Variants in ESRRG observed in about 807,000 individuals in gnomAD.
The protein encoded by ESRRG is estrogen-related receptor gamma.
In ESRRG, 13 loss-of-function variants were observed where a neutral mutation model predicts 44.0. The ratio of observed to expected loss-of-function variants is 0.30; its 90% CI spans 0.19 to 0.47. ESRRG has a LOEUF of 0.47. Among genes scored for constraint, ESRRG ranks in the 20% least tolerant of loss-of-function variants. The pLI, the probability that ESRRG is intolerant of heterozygous loss-of-function variation, is 1.00. For missense variants in ESRRG, 395 were observed against 580.6 expected, an observed-to-expected ratio of 0.68 and a Z score of 3.29; for synonymous variants, 215 against 214.6, an observed-to-expected ratio of 1.00 and a Z score of -0.02.
chr1:216,884,554 G>A (rs2096491186), intron 2 of ESRRG, among the ~76,000 whole-genome samples: 1 of 152,204 alleles, frequency 6.6e-6, no homozygotes. Context: ...AGGCTTGTCA[G>A]AGGCCTTCAA....
chr1:216,514,909 CTAATT>C (rs964466312), intron 6 of ESRRG, among the ~76,000 whole-genome samples: 3 of 151,778 alleles, frequency 2.0e-5, no homozygotes, highest in African/African-American at 7.3e-5. Context: ...ATCAAATCAA[CTAATT>C]TAGTCAAAAT....
rs895011055 is a variant in ESRRG, at chr1:217,001,216, T to C, written c.-105-61543A>G. Among the ~76,000 whole-genome samples the C allele has an allele frequency of 3.9e-5, 6 of 152,220 alleles. No homozygotes were observed. In the East Asian group the frequency reaches 9.6e-4, roughly 24 times the overall value. On this transcript the variant is annotated intron_variant, in intron 1 of 7. Coordinates refer to the ESRRG transcript ENST00000359162. ...GCTGCCTTCTTTTCTTCGGTTCTTT[T>C]TTTTATGCTGGAACTCTGTAAAGAT...
chr1:217,050,677 G>A (rs547352530), intron 1 of ESRRG, among the ~76,000 whole-genome samples: 22 of 152,208 alleles, frequency 1.4e-4, no homozygotes, highest in African/African-American at 3.1e-4. Flanking sequence ...TACCCAAACC[G>A]AGATGTGGAC....
intron 1 of ESRRG, among the ~76,000 whole-genome samples, chr1:217,063,560 G>T (rs1333827262): frequency 6.6e-6 from 1 of 152,090 alleles, no homozygotes; most frequent in Non-Finnish European, 1.5e-5. Context: ...TTATAAACTG[G>T]GATAGTGAGT....
chr1:217,106,746 A>G (rs2092601784), intron 1 of ESRRG, among the ~76,000 whole-genome samples: 1 of 152,066 alleles, frequency 6.6e-6, no homozygotes, highest in African/African-American at 2.4e-5. Flanking sequence ...CCTCAACCCT[A>G]TCTCCAGCCT....
At chr1:217,117,440 C>T (rs147101497) in intron 1 of ESRRG, among the ~76,000 whole-genome samples, 9 of 152,058 alleles carry the variant, frequency 5.9e-5, no homozygotes, top group Non-Finnish European at 1.2e-4. Flanking sequence ...AAAAACCTAG[C>T]TAAGGGTAGT....
chr1:216,636,057 G>GTTT (rs2065233308), intron 3 of ESRRG, among the ~76,000 whole-genome samples: 1 of 152,152 alleles, frequency 6.6e-6, no homozygotes, highest in Non-Finnish European at 1.5e-5. Context: ...CTGTAGGATA[G>GTTT]GCCATTACTA....
At chr1:216,940,999 T>C (rs1234942398) in intron 1 of ESRRG, among the ~76,000 whole-genome samples, 2 of 152,174 alleles carry the variant, frequency 1.3e-5, no homozygotes, top group Non-Finnish European at 2.9e-5. Flanking sequence ...TAGTGTAGGC[T>C]GGAATTTGAC....
In ESRRG at chr1:216,815,562, G is replaced by T. The variant is rs367547404; in HGVS notation, c.-14+124020C>A. Among the ~76,000 whole-genome samples, 33 of 152,300 alleles carry T rather than the reference G, an allele frequency of 2.2e-4. 1 individual carries two copies. In the East Asian group the frequency reaches 5.8e-3, roughly 27 times the overall value. ...TTTGGGGCTCTGTGCCACCTGCCCT[G>T]GGAAAAAGACCACCCGGGCTCAGGC... On this transcript the variant is annotated intron_variant, in intron 2 of 7. Transcript: ENST00000359162.
intron 1 of ESRRG, among the ~76,000 whole-genome samples, chr1:216,952,099 T>G (rs184527046): frequency 2.6e-5 from 4 of 152,194 alleles, no homozygotes; most frequent in Admixed American, 2.6e-4. Context: ...GTGTAAACGA[T>G]CTCTGCCCCA....
intron 1 of ESRRG, among the ~76,000 whole-genome samples, chr1:217,031,522 G>A (rs551938197): frequency 1.3e-5 from 2 of 152,346 alleles, no homozygotes; most frequent in East Asian, 3.9e-4. Flanking sequence ...AAATGGTTTA[G>A]CATGAAGAAA....
At chr1:217,110,354 C>T (rs1419445304) in intron 1 of ESRRG, among the ~76,000 whole-genome samples, 1 of 152,222 alleles carries the variant, frequency 6.6e-6, no homozygotes, top group Non-Finnish European at 1.5e-5. Flanking sequence ...ATCACTTTAT[C>T]TTCCTGAAAC....
At chr1:216,873,258 C>G (rs2096285354) in intron 2 of ESRRG, among the ~76,000 whole-genome samples, 1 of 129,964 alleles carries the variant, frequency 7.7e-6, no homozygotes, top group African/African-American at 3.1e-5. Context: ...GTCGCTCAGG[C>G]TGAAATGCAA....
chr1:216,904,564 T>C (rs1467453352), intron 2 of ESRRG, among the ~76,000 whole-genome samples: 1 of 152,148 alleles, frequency 6.6e-6, no homozygotes, highest in East Asian at 1.9e-4. Context: ...CTGCTGAGCT[T>C]AACAAAGTAA....
chr1:216,983,201 T>C (rs1205813493), intron 1 of ESRRG, among the ~76,000 whole-genome samples: 1 of 152,022 alleles, frequency 6.6e-6, no homozygotes, highest in Non-Finnish European at 1.5e-5. Context: ...TTAGAATTAT[T>C]AGAATTAGTA....
intron 2 of ESRRG, among the ~76,000 whole-genome samples, chr1:216,655,284 G>C (rs2070177624): frequency 6.6e-6 from 1 of 152,114 alleles, no homozygotes; most frequent in South Asian, 2.1e-4. Context: ...ATATTAAAGA[G>C]TCCACTGAGA....
intron 2 of ESRRG, among the ~76,000 whole-genome samples, chr1:216,779,196 T>C (rs1236448787): frequency 2.7e-5 from 2 of 73,570 alleles, no homozygotes; most frequent in African/African-American, 1.1e-4. Context: ...TATATATTTA[T>C]ATTTATAAAT....
At chr1:216,896,793 C>T (rs1179102564) in intron 2 of ESRRG, among the ~76,000 whole-genome samples, 2 of 152,128 alleles carry the variant, frequency 1.3e-5, no homozygotes, top group Non-Finnish European at 2.9e-5. Flanking sequence ...AGGTAAATAA[C>T]TATAATCAGC....
At chr1:216,701,129 G>C (rs567401517) in intron 1 of ESRRG, among the ~76,000 whole-genome samples, 1 of 43,614 alleles carries the variant, frequency 2.3e-5, no homozygotes, top group Admixed American at 2.6e-4. Context: ...GCAAGTTTGC[G>C]GAGTTTGGGG....
Sources: allele counts gnomAD v4.1 joint callset (sites outside exome capture counted in the v4.1 genomes callset), GRCh38; gene constraint gnomAD v4.1.1; transcripts MANE v1.5; gene names NCBI Gene and HGNC (gene_info 2026-07-23, HGNC 2026-07-21).